The following SLMAP variants were observed in gnomAD, a reference collection of about 807,000 sequenced individuals.
SLMAP encodes sarcolemma associated protein.
Under a neutral mutation model 128.8 loss-of-function variants are expected in SLMAP, and 44 were observed. That is an observed-to-expected ratio of 0.34 (90% CI 0.27 to 0.44). The LOEUF is 0.44. Ranked by LOEUF, SLMAP falls within the 20% of genes least tolerant of loss-of-function variation. The pLI, the probability that SLMAP is intolerant of heterozygous loss-of-function variation, is 1.00. For missense variants in SLMAP, 787 were observed against 985.3 expected (o/e 0.80, Z 2.69); for synonymous variants, 327 against 348.8 (o/e 0.94, Z 0.70).
At chr3:57,873,374 A>G (rs142576941) in intron 14 of SLMAP, among the ~76,000 whole-genome samples, 2,764 of 152,002 alleles carry the variant, frequency 0.018, 73 homozygotes, top group African/African-American at 0.063. Context: ...GTGGTAGCAC[A>G]TGCCTATAAT....
chr3:57,916,693 G>A (rs868250463), intron 21 of SLMAP, among the ~76,000 whole-genome samples: 1 of 152,058 alleles, frequency 6.6e-6, no homozygotes, highest in South Asian at 2.1e-4. Context: ...CAACCTTTGT[G>A]TATATTTGAT....
intron 2 of SLMAP, among the ~76,000 whole-genome samples, chr3:57,784,719 G>A (rs1576442557): frequency 6.6e-6 from 1 of 152,282 alleles, no homozygotes; most frequent in South Asian, 2.1e-4. Context: ...GTGCTAGGAT[G>A]GAATGTTAAG....
chr3:57,841,472 A>C (rs576353857), intron 4 of SLMAP, 101 bp downstream of exon 4: 1 of 526,774 alleles, frequency 1.9e-6, no homozygotes, highest in African/African-American at 2.0e-5. Context: ...TACCTGCTTC[A>C]GGACTATTTA....
chr3:57,876,468 T>A (rs1370923098), intron 14 of SLMAP, among the ~76,000 whole-genome samples: 1 of 152,224 alleles, frequency 6.6e-6, no homozygotes, highest in Non-Finnish European at 1.5e-5. Flanking sequence ...AAATATTCTC[T>A]ATTAAAAGAT....
intron 3 of SLMAP, among the ~76,000 whole-genome samples, chr3:57,832,206 G>A (rs2093382246): frequency 1.3e-5 from 2 of 152,140 alleles, no homozygotes; most frequent in African/African-American, 2.4e-5. Flanking sequence ...ACTTAATCTC[G>A]TGAAAGGGAG....
chr3:57,906,050 TAAAAAAAAAA>T (rs1168626870), intron 17 of SLMAP, among the ~76,000 whole-genome samples: 2 of 105,994 alleles, frequency 1.9e-5, no homozygotes, highest in African/African-American at 7.1e-5. Context: ...AAATACTCCT[TAAAAAAAAAA>T]AAAAAAAAAA....
chr3:57,886,057 C>T (rs1246092510), intron 14 of SLMAP, among the ~76,000 whole-genome samples: 3 of 150,420 alleles, frequency 2.0e-5, no homozygotes, highest in South Asian at 2.1e-4. Context: ...GCTGGAATTA[C>T]AGGCATGAGC....
intron 8 of SLMAP, among the ~76,000 whole-genome samples, chr3:57,859,098 C>T (rs546654040): frequency 3.7e-4 from 56 of 152,174 alleles, no homozygotes; most frequent in African/African-American, 1.3e-3. Flanking sequence ...CCAAGGCAGG[C>T]GGATTGCTTG....
chr3:57,876,169 C>A (rs930192109), intron 14 of SLMAP, among the ~76,000 whole-genome samples: 1 of 152,146 alleles, frequency 6.6e-6, no homozygotes, highest in Non-Finnish European at 1.5e-5. Context: ...GAAAGCAAAT[C>A]ATTTATTTCC....
intron 6 of SLMAP, among the ~76,000 whole-genome samples, chr3:57,857,121 T>C (rs2094830262): frequency 1.3e-5 from 2 of 152,140 alleles, no homozygotes; most frequent in Non-Finnish European, 2.9e-5. Flanking sequence ...TTTTAAAAAC[T>C]TGCTCTTCCA....
At chr3:57,784,846 T>G (rs1006285778) in intron 2 of SLMAP, among the ~76,000 whole-genome samples, 2 of 152,066 alleles carry the variant, frequency 1.3e-5, no homozygotes, top group African/African-American at 4.8e-5. Context: ...GTTGTTATCT[T>G]GGGAGTGGGT....
At chr3:57,867,434 C>G (rs1414510618) in intron 13 of SLMAP, among the ~76,000 whole-genome samples, 1 of 152,042 alleles carries the variant, frequency 6.6e-6, no homozygotes, top group Non-Finnish European at 1.5e-5. Flanking sequence ...GTTAAAGACT[C>G]CTTGATTTTA....
intron 2 of SLMAP, among the ~76,000 whole-genome samples, chr3:57,759,094 A>G (rs2078122973): frequency 6.6e-6 from 1 of 152,188 alleles, no homozygotes. Context: ...AGAAAGGAGG[A>G]AAAGATTGTC....
rs546005984 is a variant in SLMAP at position 57,787,026 on chromosome 3, G to A, written c.198+29177G>A. Among the ~76,000 whole-genome samples, 30 of 152,108 alleles carry A rather than the reference G, an allele frequency of 2.0e-4. No individual in the cohort carries two copies. The South Asian group carries it at 5.4e-3, about 27-fold the overall frequency. On this transcript the variant is annotated intron_variant, in intron 2 of 24. Coordinates refer to ENST00000671191, the MANE Select transcript of SLMAP (RefSeq NM_001377540.1). ...GTTGGGATTACAGGCGTGAGCCACC[G>A]CACCCTGCCGAAAATTATGTAGTTT... is the stretch of plus-strand genomic sequence containing the variant.
intron 15 of SLMAP, among the ~76,000 whole-genome samples, chr3:57,893,294 TG>T (rs1419619490): frequency 1.3e-5 from 2 of 151,840 alleles, no homozygotes; most frequent in Non-Finnish European, 2.9e-5. Context: ...ATTAGCCAGA[TG>T]TGGTGGTGCA....
intron 3 of SLMAP, among the ~76,000 whole-genome samples, chr3:57,835,875 CAAAACAATACTATATAGT>C (rs140183922): frequency 0.018 from 2,750 of 152,032 alleles, 75 homozygotes; most frequent in African/African-American, 0.063. Flanking sequence ...TGAATGCCTG[CAAAACAATACTATATAGT>C]GCTTTTGAAT....
chr3:57,841,042 TTTTA>T (rs1457848673), intron 3 of SLMAP, among the ~76,000 whole-genome samples: 1 of 152,212 alleles, frequency 6.6e-6, no homozygotes, highest in East Asian at 1.9e-4. Flanking sequence ...TCAACTGACT[TTTTA>T]TTGACTATTA....
At chr3:57,920,234 T>TC (rs2096891699) in intron 22 of SLMAP, among the ~76,000 whole-genome samples, 1 of 152,206 alleles carries the variant, frequency 6.6e-6, no homozygotes, top group Non-Finnish European at 1.5e-5. Flanking sequence ...CCACAGATCT[T>TC]CACATCAACT....
chr3:57,804,732 G>C (rs2089434751), intron 2 of SLMAP, among the ~76,000 whole-genome samples: 1 of 152,046 alleles, frequency 6.6e-6, no homozygotes, highest in African/African-American at 2.4e-5. Flanking sequence ...GCAACAGAGT[G>C]AAGCCCTGAA....
Sources: gnomAD v4.1 joint callset for allele counts (sites outside exome capture counted in the v4.1 genomes callset) on GRCh38, gnomAD v4.1.1 for gene constraint, MANE v1.5 for transcripts, NCBI Gene and HGNC (gene_info 2026-07-23, HGNC 2026-07-21) for gene names.